The following CPEB3 variants were observed in gnomAD, a reference collection of about 807,000 sequenced individuals.
The protein encoded by CPEB3 is cytoplasmic polyadenylation element-binding protein 3.
A neutral mutation model predicts 67.2 loss-of-function variants in CPEB3; 20 were observed. The ratio of observed to expected loss-of-function variants is 0.30; its 90% CI spans 0.21 to 0.43. CPEB3 has a LOEUF of 0.43. Among genes scored for constraint, CPEB3 ranks in the 20% least tolerant of loss-of-function variants. The pLI, the probability that CPEB3 is intolerant of heterozygous loss-of-function variation, is 1.00. For synonymous variants in CPEB3, 376 were observed against 393.1 expected (o/e 0.96, Z 0.51); for missense variants, 746 against 968.6 (o/e 0.77, Z 3.05).
intron 7 of CPEB3, among the ~76,000 whole-genome samples, chr10:92,093,784 G>C (rs1041016569): frequency 6.6e-6 from 1 of 151,964 alleles, no homozygotes; most frequent in Non-Finnish European, 1.5e-5. Context: ...TGATAGGCAC[G>C]AGCCACCGCG....
chr10:92,172,529 A>G (rs72807246), intron 4 of CPEB3, among the ~76,000 whole-genome samples: 14,237 of 152,276 alleles, frequency 0.093, 884 homozygotes, highest in Non-Finnish European at 0.15. Flanking sequence ...GGAAAATCCA[A>G]AAGAGTAAAA....
Position 92,111,165 on chromosome 10 carries a change from T to C in CPEB3, c.1483A>G (p.Ser495Gly). 1 of 1,614,044 alleles carries C rather than the reference T, an allele frequency of 6.2e-7. No homozygotes were observed. The highest frequency in any genetic ancestry group is 8.5e-7 in the Non-Finnish European group (1 of 1,179,896). Residue 495 changes from serine (S) to glycine (G), a missense_variant, in exon 7 of 10, where the codon AGC becomes GGC. Transcript: ENST00000265997. ...GCATCTATCAAAGCTTGTACTGAGCTTTCCTCTTGGAACAGCAGAAAGGCA... is the reference window on the plus strand; with the variant it reads ...GCATCTATCAAAGCTTGTACTGAGCCTTCCTCTTGGAACAGCAGAAAGGCA... ...GYAFLLFQEE[S>G]SVQALIDACL...
chr10:92,148,426 G>C (rs1330719206), intron 4 of CPEB3, among the ~76,000 whole-genome samples: 1 of 152,110 alleles, frequency 6.6e-6, no homozygotes, highest in Non-Finnish European at 1.5e-5. Flanking sequence ...GTCTTCCTCA[G>C]GTTGAACTTT....
chr10:92,183,400 G>A (rs992404422), intron 3 of CPEB3, among the ~76,000 whole-genome samples: 1 of 152,092 alleles, frequency 6.6e-6, no homozygotes, highest in Non-Finnish European at 1.5e-5. Context: ...ACCTTGATCA[G>A]AACCTATAAT....
At chr10:92,147,219 G>T (rs1009025513) in intron 4 of CPEB3, among the ~76,000 whole-genome samples, 4 of 152,180 alleles carry the variant, frequency 2.6e-5, no homozygotes, top group Non-Finnish European at 4.4e-5. Flanking sequence ...ACTTTGGGAG[G>T]CCGAGGCAGG....
intron 1 of CPEB3, among the ~76,000 whole-genome samples, chr10:92,266,518 G>A (rs1428633296): frequency 1.3e-5 from 2 of 152,070 alleles, no homozygotes; most frequent in African/African-American, 4.8e-5. Context: ...ATTATATGGT[G>A]GGCTCCCAAC....
chr10:92,177,247 A>C (rs531457537), intron 4 of CPEB3, among the ~76,000 whole-genome samples: 46 of 152,362 alleles, frequency 3.0e-4, no homozygotes, highest in African/African-American at 1.1e-3. Flanking sequence ...AGGAAGATTA[A>C]AATAAAATGG....
At chr10:92,254,345 A>T (rs1176989148) in intron 1 of CPEB3, among the ~76,000 whole-genome samples, 3 of 152,064 alleles carry the variant, frequency 2.0e-5, no homozygotes, top group African/African-American at 4.8e-5. Flanking sequence ...GCTTTTAAAA[A>T]TGTTAAAAGC....
intron 1 of CPEB3, among the ~76,000 whole-genome samples, chr10:92,266,762 G>A (rs1441571682): frequency 2.6e-5 from 4 of 152,134 alleles, no homozygotes; most frequent in African/African-American, 4.8e-5. Context: ...GGCTGGGCAC[G>A]GTGGCTCACG....
chr10:92,259,837 A>T (rs1052559639), intron 1 of CPEB3, among the ~76,000 whole-genome samples: 2 of 152,198 alleles, frequency 1.3e-5, no homozygotes, highest in African/African-American at 4.8e-5. Context: ...TGCTTGATAC[A>T]ATGCTAGGTA....
chr10:92,252,118 AT>A (rs1852328141), intron 1 of CPEB3, among the ~76,000 whole-genome samples: 1 of 152,042 alleles, frequency 6.6e-6, no homozygotes, highest in African/African-American at 2.4e-5. Context: ...AAGAGTAAAT[AT>A]CCCCCCAAGA....
chr10:92,173,925 T>C lies in CPEB3; in HGVS notation c.1222+7038A>G, dbSNP rs55936123. 5.4e-3 allele frequency among the ~76,000 whole-genome samples: 823 copies of C among 152,338 alleles called. 8 individuals carry two copies. The highest frequency in any genetic ancestry group is 0.019 in the African/African-American group (783 of 41,574). On this transcript the variant is annotated intron_variant, in intron 4 of 9. Coordinates refer to ENST00000265997, the MANE Select transcript of CPEB3 (RefSeq NM_014912.5). Reference sequence around the variant, plus strand: ...AGTTTTATTTCTAAACCTGTTCAGATAGAAACCTGTTCAGACAGAAAGAGA... The same window carrying C: ...AGTTTTATTTCTAAACCTGTTCAGACAGAAACCTGTTCAGACAGAAAGAGA...
chr10:92,096,701 T>C (rs563064863), intron 7 of CPEB3, among the ~76,000 whole-genome samples: 1 of 152,240 alleles, frequency 6.6e-6, no homozygotes, highest in East Asian at 1.9e-4. Flanking sequence ...CCCAGCACTT[T>C]GGGAGGCCAA....
intron 1 of CPEB3, among the ~76,000 whole-genome samples, chr10:92,289,517 G>C (rs1158593887): frequency 6.6e-6 from 1 of 151,500 alleles, no homozygotes; most frequent in Non-Finnish European, 1.5e-5. Flanking sequence ...ACTCCAGCCT[G>C]GGCAACAGAG....
chr10:92,188,548 G>A (rs1324377923), intron 3 of CPEB3, among the ~76,000 whole-genome samples: 3 of 151,664 alleles, frequency 2.0e-5, no homozygotes, highest in Non-Finnish European at 4.4e-5. Flanking sequence ...GGTGAAACCC[G>A]TCTCTATTTA....
intron 2 of CPEB3, among the ~76,000 whole-genome samples, chr10:92,215,217 A>G (rs1005200453): frequency 6.6e-6 from 1 of 151,266 alleles, no homozygotes. Flanking sequence ...CAGTAGTGCA[A>G]TCTCAGCTCA....
At chr10:92,151,411 T>C (rs1357212432) in intron 4 of CPEB3, among the ~76,000 whole-genome samples, 3 of 152,160 alleles carry the variant, frequency 2.0e-5, no homozygotes, top group African/African-American at 7.2e-5. Context: ...ATAAAATACA[T>C]ACATATTCCC....
At chr10:92,231,487 C>T (rs1851264989) in intron 2 of CPEB3, among the ~76,000 whole-genome samples, 1 of 152,086 alleles carries the variant, frequency 6.6e-6, no homozygotes, top group African/African-American at 2.4e-5. Context: ...CCCCTCCCAC[C>T]TCCTCCTTTT....
intron 3 of CPEB3, among the ~76,000 whole-genome samples, chr10:92,182,967 T>C (rs1848529036): frequency 6.6e-6 from 1 of 152,180 alleles, no homozygotes; most frequent in Non-Finnish European, 1.5e-5. Context: ...ATTTGATGGA[T>C]TCTGATAAAA....
Sources: allele counts gnomAD v4.1 joint callset (sites outside exome capture counted in the v4.1 genomes callset), GRCh38; gene constraint gnomAD v4.1.1; transcripts MANE v1.5; gene names NCBI Gene and HGNC (gene_info 2026-07-23, HGNC 2026-07-21).